The following CHST11 variants were observed in gnomAD, a reference collection of about 807,000 sequenced individuals.
CHST11 encodes the protein C4S-1.
Under a neutral mutation model 30.4 loss-of-function variants are expected in CHST11, and 9 were observed. The observed-to-expected ratio is 0.30, with a 90% CI of 0.18 to 0.52. The LOEUF (loss-of-function observed/expected upper bound fraction) is 0.52, where lower values mean the gene tolerates loss of function less well. CHST11 is among the 20% of genes least tolerant of loss of function. The pLI, the probability that CHST11 is intolerant of heterozygous loss-of-function variation, is 0.97. For missense variants in CHST11, 348 were observed against 460.6 expected (o/e 0.76, Z 2.24); for synonymous variants, 152 against 187.8 (o/e 0.81, Z 1.56).
At chr12:104,597,523 A>AT (rs1263195187) in intron 1 of CHST11, among the ~76,000 whole-genome samples, 1 of 152,184 alleles carries the variant, frequency 6.6e-6, no homozygotes, top group Non-Finnish European at 1.5e-5. Flanking sequence ...TTTTCTCCTT[A>AT]TATAGCAAGA....
At chr12:104,694,875 G>A (rs76706390) in intron 2 of CHST11, among the ~76,000 whole-genome samples, 1 of 152,180 alleles carries the variant, frequency 6.6e-6, no homozygotes, top group African/African-American at 2.4e-5. Context: ...GAGCTTTGAC[G>A]TGGGAATCAG....
At chr12:104,518,486 C>T (rs2038046549) in intron 1 of CHST11, among the ~76,000 whole-genome samples, 1 of 152,110 alleles carries the variant, frequency 6.6e-6, no homozygotes, top group South Asian at 2.1e-4. Context: ...TGATAAAGAC[C>T]TAGGCAAATA....
chr12:104,524,221 A>G (rs551561014), intron 1 of CHST11, among the ~76,000 whole-genome samples: 1 of 152,214 alleles, frequency 6.6e-6, no homozygotes, highest in South Asian at 2.1e-4. Context: ...GTGCCAACAG[A>G]TAGGGCAGCC....
chr12:104,661,343 A>C lies in CHST11; in HGVS notation c.204+59352A>C, dbSNP rs200165891. 2.0e-5 allele frequency among the ~76,000 whole-genome samples: 3 copies of C among 152,198 alleles called. No individual in the cohort carries two copies. The East Asian group carries it at 5.8e-4, about 29-fold the overall frequency. ...CTAGTGTTTCCACCTCCTTAAGCCC[A>C]GGAGTTCAAGACCAGCCTGGGCAAT... On this transcript the variant is annotated intron_variant, in intron 2 of 2. Coordinates refer to ENST00000303694, the MANE Select transcript of CHST11 (RefSeq NM_018413.6).
intron 1 of CHST11, among the ~76,000 whole-genome samples, chr12:104,579,480 A>T (rs754931137): frequency 6.6e-6 from 1 of 152,202 alleles, no homozygotes; most frequent in Non-Finnish European, 1.5e-5. Flanking sequence ...CTTTAAAATG[A>T]GGGACACTGA....
chr12:104,508,217 C>CGT (rs1310088092), intron 1 of CHST11, among the ~76,000 whole-genome samples: 2,885 of 152,268 alleles, frequency 0.019, 105 homozygotes, highest in African/African-American at 0.066. Flanking sequence ...TTGGCTTACC[C>CGT]ATCTGATCAA....
rs984541787 is a variant in CHST11, at chr12:104,760,012, A to G, written c.*2209A>G. 3.3e-5 allele frequency: 5 copies of G among 152,228 alleles called. No individual in the cohort carries two copies. The highest frequency in any genetic ancestry group is 1.2e-4 in the African/African-American group (5 of 41,456). 9.4% of individuals were successfully genotyped at this position (152,228 alleles called of 1,614,324 possible). On this transcript the variant is annotated 3_prime_UTR_variant, in exon 3 of 3. Coordinates refer to ENST00000303694, the MANE Select transcript of CHST11 (RefSeq NM_018413.6). ...AAGGGTTTTGTGGTCAAATATCCTTAAGAAACAAAGTTAAGTCAGTTTCCT... is the reference window on the plus strand; with the variant it reads ...AAGGGTTTTGTGGTCAAATATCCTTGAGAAACAAAGTTAAGTCAGTTTCCT...
intron 2 of CHST11, among the ~76,000 whole-genome samples, chr12:104,630,554 A>G (rs2039260723): frequency 6.6e-6 from 1 of 152,230 alleles, no homozygotes; most frequent in African/African-American, 2.4e-5. Context: ...GGGAAAGAAG[A>G]CACCAGAGAA....
At chr12:104,679,990 T>C (rs2039779508) in intron 2 of CHST11, among the ~76,000 whole-genome samples, 1 of 152,172 alleles carries the variant, frequency 6.6e-6, no homozygotes, top group African/African-American at 2.4e-5. Flanking sequence ...ACCTTATAAT[T>C]TGCAAAGCCC....
intron 1 of CHST11, among the ~76,000 whole-genome samples, chr12:104,498,059 T>C (rs965531552): frequency 1.3e-5 from 2 of 151,780 alleles, no homozygotes; most frequent in Non-Finnish European, 2.9e-5. Flanking sequence ...GCTGGAATTG[T>C]AGGCATGTAC....
chr12:104,506,921 A>G (rs1020840627), intron 1 of CHST11, among the ~76,000 whole-genome samples: 1 of 152,106 alleles, frequency 6.6e-6, no homozygotes, highest in African/African-American at 2.4e-5. Flanking sequence ...GGCATAAGCA[A>G]TCTGGAAACA....
At chr12:104,553,583 G>GAGAA (rs1021731510) in intron 1 of CHST11, 1 of 150,782 alleles carries the variant, frequency 6.6e-6, no homozygotes, top group Non-Finnish European at 1.5e-5. Context: ...GAGAGAGAGA[G>GAGAA]AGAGAGAGAG....
At chr12:104,550,309 T>A (rs1413626131) in intron 1 of CHST11, among the ~76,000 whole-genome samples, 1 of 152,210 alleles carries the variant, frequency 6.6e-6, no homozygotes, top group Non-Finnish European at 1.5e-5. Flanking sequence ...AAGTTAGAGA[T>A]CAGCATCTGG....
chr12:104,529,527 C>A (rs764584724), intron 1 of CHST11, among the ~76,000 whole-genome samples: 9 of 152,178 alleles, frequency 5.9e-5, no homozygotes, highest in Non-Finnish European at 1.2e-4. Flanking sequence ...ATTGATTTCT[C>A]CGTGATACAT....
chr12:104,527,310 G>T (rs1305212456), intron 1 of CHST11, among the ~76,000 whole-genome samples: 10 of 152,130 alleles, frequency 6.6e-5, no homozygotes, highest in African/African-American at 9.7e-5. Flanking sequence ...CTTTATTTTG[G>T]CAGCCTGAGT....
intron 2 of CHST11, among the ~76,000 whole-genome samples, chr12:104,703,370 C>A (rs2040006174): frequency 6.6e-6 from 1 of 152,164 alleles, no homozygotes; most frequent in African/African-American, 2.4e-5. Flanking sequence ...CAAATGCAAC[C>A]TGGTCTTTTC....
chr12:104,462,761 A>G (rs1300374725), intron 1 of CHST11, among the ~76,000 whole-genome samples: 1 of 152,206 alleles, frequency 6.6e-6, no homozygotes, highest in African/African-American at 2.4e-5. Flanking sequence ...TACAACTACT[A>G]TGTACCTATA....
rs2039961708 is a variant in CHST11, at chr12:104,698,020, T to C, written c.205-58929T>C. ...CAAGCCTCATTACTCATCTCTTGCCTGGATGGGTGCCCTGTGTCCTTACTG... is the reference window on the plus strand; with the variant it reads ...CAAGCCTCATTACTCATCTCTTGCCCGGATGGGTGCCCTGTGTCCTTACTG... On this transcript the variant is annotated intron_variant, in intron 2 of 2. Transcript: ENST00000303694. Among the ~76,000 whole-genome samples the C allele has an allele frequency of 2.0e-5, 3 of 152,374 alleles. No individual in the cohort carries two copies. The East Asian group carries it at 5.8e-4, about 29-fold the overall frequency.
intron 2 of CHST11, among the ~76,000 whole-genome samples, chr12:104,710,209 AAG>A (rs2040074807): frequency 6.6e-6 from 1 of 151,924 alleles, no homozygotes; most frequent in Non-Finnish European, 1.5e-5. Context: ...CAAACAAAAA[AAG>A]AAGTTTTTTC....
Sources: gnomAD v4.1 joint callset for allele counts (sites outside exome capture counted in the v4.1 genomes callset) on GRCh38, gnomAD v4.1.1 for gene constraint, MANE v1.5 for transcripts, NCBI Gene and HGNC (gene_info 2026-07-23, HGNC 2026-07-21) for gene names.